The following FOXJ3 variants were observed in gnomAD, a reference collection of about 807,000 sequenced individuals.
FOXJ3 encodes forkhead box protein J3.
FOXJ3 carries 22 observed loss-of-function variants against 76.1 expected under a neutral mutation model. The ratio of observed to expected loss-of-function variants is 0.29; its 90% CI spans 0.21 to 0.41. The LOEUF is 0.41. Ranked by LOEUF, FOXJ3 falls within the 10% of genes least tolerant of loss-of-function variation. The probability of loss-of-function intolerance (pLI) is 1.00; values close to 1 mark genes in which losing one functional copy is unlikely to be tolerated. For synonymous variants in FOXJ3, 269 were observed against 261.2 expected (o/e 1.03, Z -0.29); for missense variants, 613 against 762.1 (o/e 0.80, Z 2.30).
chr1:42,252,969 G>C (rs1237146574), intron 4 of FOXJ3, among the ~76,000 whole-genome samples: 3 of 150,924 alleles, frequency 2.0e-5, no homozygotes, highest in East Asian at 2.0e-4. Flanking sequence ...CCAGGGCAAT[G>C]AGGCAGGAGA....
At chr1:42,245,437 C>G (rs1649476038) in intron 4 of FOXJ3, among the ~76,000 whole-genome samples, 1 of 152,120 alleles carries the variant, frequency 6.6e-6, no homozygotes, top group Non-Finnish European at 1.5e-5. Context: ...TATTAGCAAA[C>G]CAAATCTGAC....
intron 3 of FOXJ3, among the ~76,000 whole-genome samples, chr1:42,276,580 G>A (rs1320751391): frequency 6.6e-6 from 1 of 151,940 alleles, no homozygotes; most frequent in Non-Finnish European, 1.5e-5. Flanking sequence ...ATGTTGATGA[G>A]GAAAAAAAAT....
chr1:42,248,256 C>T (rs930568571), intron 4 of FOXJ3, among the ~76,000 whole-genome samples: 10 of 152,174 alleles, frequency 6.6e-5, no homozygotes, highest in Admixed American at 3.9e-4. Flanking sequence ...CAACATTGGC[C>T]GGGCGTGGTG....
At chr1:42,312,496 T>C (rs1027423458) in intron 1 of FOXJ3, among the ~76,000 whole-genome samples, 2 of 152,248 alleles carry the variant, frequency 1.3e-5, no homozygotes, top group African/African-American at 4.8e-5. Context: ...GAGACGCAGA[T>C]AGACACTTCT....
intron 6 of FOXJ3, among the ~76,000 whole-genome samples, chr1:42,199,783 A>C (rs570015052): frequency 1.3e-5 from 2 of 151,966 alleles, no homozygotes; most frequent in African/African-American, 2.4e-5. Context: ...AAAAACTGTC[A>C]AACTGTTGTT....
intron 2 of FOXJ3, among the ~76,000 whole-genome samples, chr1:42,282,068 GAAA>G (rs202102061): frequency 8.4e-6 from 1 of 118,784 alleles, no homozygotes; most frequent in Admixed American, 8.2e-5. Context: ...CAAAAAAGGA[GAAA>G]AAAAAAAAAA....
At chr1:42,323,441 A>T (rs1384771267) in intron 1 of FOXJ3, among the ~76,000 whole-genome samples, 3 of 152,136 alleles carry the variant, frequency 2.0e-5, no homozygotes, top group African/African-American at 7.2e-5. Flanking sequence ...ATCCTGGAGG[A>T]TAGTGTGGGG....
intron 4 of FOXJ3, among the ~76,000 whole-genome samples, chr1:42,231,599 G>C (rs998844804): frequency 6.6e-6 from 1 of 152,172 alleles, no homozygotes; most frequent in Admixed American, 6.5e-5. Flanking sequence ...TTACTGAACT[G>C]TACACCTAAA....
intron 11 of FOXJ3, among the ~76,000 whole-genome samples, chr1:42,188,383 T>C (rs775220396): frequency 1.1e-4 from 17 of 152,336 alleles, no homozygotes; most frequent in South Asian, 8.3e-4. Flanking sequence ...TTGATTTCCA[T>C]TGCAGATCTG....
At chr1:42,213,755 C>A (rs866166630) in intron 5 of FOXJ3, among the ~76,000 whole-genome samples, 4 of 152,056 alleles carry the variant, frequency 2.6e-5, no homozygotes, top group East Asian at 3.9e-4. Context: ...CTAAAAAAAA[C>A]CCCAAACTCA....
chr1:42,278,921 GACAA>G (rs1652490818), intron 2 of FOXJ3, among the ~76,000 whole-genome samples: 1 of 151,994 alleles, frequency 6.6e-6, no homozygotes, highest in East Asian at 1.9e-4. Context: ...ACAGAATATA[GACAA>G]ACAAAGTGGT....
intron 1 of FOXJ3, among the ~76,000 whole-genome samples, chr1:42,319,222 C>CTGTTT (rs56158851): frequency 0.65 from 98,135 of 150,612 alleles, 32,438 homozygotes; most frequent in Admixed American, 0.75. Context: ...CAGCAAGACC[C>CTGTTT]TGTTTTGTTT....
intron 4 of FOXJ3, among the ~76,000 whole-genome samples, chr1:42,242,008 G>T (rs1649182673): frequency 6.6e-6 from 1 of 152,108 alleles, no homozygotes; most frequent in Non-Finnish European, 1.5e-5. Flanking sequence ...AATCACTGAT[G>T]CCATTTACAA....
At chr1:42,184,849 G>A (rs1336034062) in intron 11 of FOXJ3, among the ~76,000 whole-genome samples, 14 of 152,026 alleles carry the variant, frequency 9.2e-5, no homozygotes, top group Admixed American at 9.2e-4. Context: ...AGACCACTCT[G>A]GACAAGAGGA....
chr1:42,320,717 G>T (rs1012892899), intron 1 of FOXJ3, among the ~76,000 whole-genome samples: 6 of 152,094 alleles, frequency 3.9e-5, no homozygotes, highest in Non-Finnish European at 5.9e-5. Context: ...CATGAAATAT[G>T]AAAAATTCAA....
intron 2 of FOXJ3, among the ~76,000 whole-genome samples, chr1:42,289,715 T>C (rs1296191365): frequency 6.6e-6 from 1 of 152,192 alleles, no homozygotes; most frequent in Non-Finnish European, 1.5e-5. Context: ...ACACAAGCTA[T>C]TTAACAATAT....
intron 2 of FOXJ3, among the ~76,000 whole-genome samples, chr1:42,303,516 GTCA>G (rs1387603089): frequency 2.0e-5 from 3 of 152,156 alleles, no homozygotes; most frequent in Non-Finnish European, 4.4e-5. Flanking sequence ...AAACAGCAGG[GTCA>G]TCAATTTCAA....
At chr1:42,219,855 A>C (rs1034938488) in intron 5 of FOXJ3, among the ~76,000 whole-genome samples, 1 of 152,190 alleles carries the variant, frequency 6.6e-6, no homozygotes, top group Non-Finnish European at 1.5e-5. Flanking sequence ...GGAGGTCGAG[A>C]CTGCAGTGAG....
Position 42,324,146 on chromosome 1 carries a change from C to CACTGTGTATATACAG in FOXJ3, c.-18+10912_-18+10913insCTGTATATACACAGT, listed in dbSNP as rs1553170613. 4.9e-3 allele frequency among the ~76,000 whole-genome samples: 421 copies of CACTGTGTATATACAG among 85,608 alleles called. 22 individuals are homozygous for CACTGTGTATATACAG. Among genetic ancestry groups the CACTGTGTATATACAG allele is most frequent in the African/African-American group, 0.023 (409 of 17,728 alleles). 56.2% of individuals were successfully genotyped at this position (85,608 alleles called of 152,430 possible). On this transcript the variant is annotated intron_variant, in intron 1 of 12. Coordinates refer to ENST00000361346, the MANE Select transcript of FOXJ3 (RefSeq NM_014947.5). ...ACACAGTGTATATACAGTATATATA[C>CACTGTGTATATACAG]TATATATACACTGTGTATATATAGT...
Sources: gnomAD v4.1 joint callset for allele counts (sites outside exome capture counted in the v4.1 genomes callset) on GRCh38, gnomAD v4.1.1 for gene constraint, MANE v1.5 for transcripts, NCBI Gene and HGNC (gene_info 2026-07-23, HGNC 2026-07-21) for gene names.